GPAT4: variants seen among roughly 807,000 people sequenced by gnomAD.
The protein encoded by GPAT4 is 1-AGP acyltransferase 6.
GPAT4 carries 17 observed loss-of-function variants against 58.0 expected under a neutral mutation model. The observed-to-expected ratio is 0.29, with a 90% CI of 0.20 to 0.44. GPAT4 has a LOEUF of 0.44. Among genes scored for constraint, GPAT4 ranks in the 20% least tolerant of loss-of-function variants. The pLI is 1.00. For missense variants in GPAT4, 377 were observed against 574.5 expected, an observed-to-expected ratio of 0.66 and a Z score of 3.51; for synonymous variants, 204 against 210.1, an observed-to-expected ratio of 0.97 and a Z score of 0.25.
chr8:41,591,020 G>A (rs1802775136), intron 1 of GPAT4, among the ~76,000 whole-genome samples: 1 of 152,112 alleles, frequency 6.6e-6, no homozygotes, highest in Non-Finnish European at 1.5e-5. Flanking sequence ...GGGGGCGTTG[G>A]CGGACTCACA....
intron 2 of GPAT4, among the ~76,000 whole-genome samples, chr8:41,603,896 A>AGAATGAATGAATGAAT (rs56179166): frequency 0.027 from 4,073 of 150,782 alleles, 59 homozygotes; most frequent in African/African-American, 0.04. Flanking sequence ...TCAGCTGCAC[A>AGAATGAATGAATGAAT]GAATGAATGA....
intron 3 of GPAT4, 29 bp from the exon 4 acceptor site, chr8:41,609,626 C>A: frequency 6.2e-7 from 1 of 1,607,084 alleles, no homozygotes; most frequent in Non-Finnish European, 8.5e-7. Flanking sequence ...CCCCAGCGTG[C>A]TGCTTGACAG....
At chr8:41,620,336 GGCTGGAACTCTGAGA>G (rs1490210096) in intron 12 of GPAT4, among the ~76,000 whole-genome samples, 1 of 152,212 alleles carries the variant, frequency 6.6e-6, no homozygotes, top group Non-Finnish European at 1.5e-5. Flanking sequence ...GGGGCAGTGA[GGCTGGAACTCTGAGA>G]GGCAGCCCCG....
In GPAT4 at chr8:41,624,756, T is replaced by C. The variant is rs1423205090; in HGVS notation, c.*3755T>C. ...TAGATTAAAAGTATTGATCATTTCATTTGTAAACGATAAATAAAAAGGGGG... is the reference window on the plus strand; with the variant it reads ...TAGATTAAAAGTATTGATCATTTCACTTGTAAACGATAAATAAAAAGGGGG... On this transcript the variant is annotated 3_prime_UTR_variant, in exon 13 of 13. Coordinates refer to ENST00000396987, the MANE Select transcript of GPAT4 (RefSeq NM_178819.4). The C allele has an allele frequency of 2.0e-5, 3 of 152,134 alleles. No homozygotes were observed. In the East Asian group the frequency reaches 5.8e-4, roughly 29 times the overall value. The allele number at this position is 152,134 out of a possible 1,614,324, so 9.4% of individuals were successfully genotyped here. A position where few individuals can be genotyped will look rare whatever the true frequency, so the allele number is the denominator to read the frequency against.
chr8:41,586,010 G>A (rs1203985344), intron 1 of GPAT4, among the ~76,000 whole-genome samples: 1 of 152,204 alleles, frequency 6.6e-6, no homozygotes, highest in Non-Finnish European at 1.5e-5. Flanking sequence ...GTTCACAGAT[G>A]TGTATAGTCA....
intron 1 of GPAT4, among the ~76,000 whole-genome samples, chr8:41,592,511 G>A (rs1802815793): frequency 6.6e-6 from 1 of 152,130 alleles, no homozygotes; most frequent in Non-Finnish European, 1.5e-5. Flanking sequence ...TTAGGACCCA[G>A]AAATTATCAG....
Position 41,620,992 on chromosome 8 carries a change from C to T in GPAT4, c.1362C>T (p.Ser454=), listed in dbSNP as rs1182852481. 2 of 1,551,076 alleles carry T rather than the reference C, an allele frequency of 1.3e-6. No homozygotes were observed. The highest frequency in any genetic ancestry group is 3.9e-5 in the Admixed American group (2 of 51,014). ...KMIVGNHKDR[S]RS is the part of the protein sequence containing the mutation. ...TCGTGGGGAACCACAAGGACAGGAG[C>T]CGCTCCTGAGCCTGCCTCCAGCTGG... The change falls in exon 13 of 13, where the codon AGC becomes AGT. Residue 454 remains serine (S), a synonymous_variant. Transcript: ENST00000396987.
intron 9 of GPAT4, 86 bp downstream of exon 9, chr8:41,614,527 G>A: frequency 7.4e-7 from 1 of 1,352,494 alleles, no homozygotes. Context: ...AAGGCCCTCA[G>A]CCCTTGTTGG....
chr8:41,595,155 A>T (rs902254225), intron 1 of GPAT4, among the ~76,000 whole-genome samples: 46 of 132,148 alleles, frequency 3.5e-4, no homozygotes, highest in African/African-American at 1.2e-3. Context: ...GAATTGGTAT[A>T]GTTTTTTTTT....
chr8:41,588,390 C>G (rs1348324284), intron 1 of GPAT4, among the ~76,000 whole-genome samples: 2 of 152,166 alleles, frequency 1.3e-5, no homozygotes, highest in African/African-American at 2.4e-5. Context: ...TAGTCCCAGT[C>G]CAATACCTTG....
chr8:41,586,602 A>C (rs886095723), intron 1 of GPAT4, among the ~76,000 whole-genome samples: 1 of 152,130 alleles, frequency 6.6e-6, no homozygotes, highest in East Asian at 1.9e-4. Context: ...TGTCCCAAGC[A>C]AATCCGCTTT....
At chr8:41,589,034 C>T (rs548320784) in intron 1 of GPAT4, among the ~76,000 whole-genome samples, 2 of 152,190 alleles carry the variant, frequency 1.3e-5, no homozygotes, top group Non-Finnish European at 2.9e-5. Flanking sequence ...CTTATATTTA[C>T]TTGAGGCAAA....
Position 41,621,105 on chromosome 8 carries a change from C to T in GPAT4, c.*104C>T. Reference sequence around the variant, plus strand: ...GCTGTGTCCTTTCCAGACTCCAGGGCTCCCCGGGCTGCTCTGGATCCCAGG... The same window carrying T: ...GCTGTGTCCTTTCCAGACTCCAGGGTTCCCCGGGCTGCTCTGGATCCCAGG... On this transcript the variant is annotated 3_prime_UTR_variant, in exon 13 of 13. Transcript: ENST00000396987. 6.9e-7 allele frequency: 1 copy of T among 1,456,586 alleles called. No individual in the cohort carries two copies. The highest frequency in any genetic ancestry group is 9.2e-7 in the Non-Finnish European group (1 of 1,083,830). 90.2% of individuals were successfully genotyped at this position (1,456,586 alleles called of 1,614,324 possible). A position where few individuals can be genotyped will look rare whatever the true frequency, so the allele number is the denominator to read the frequency against.
chr8:41,617,846 C>T (rs556197186), intron 10 of GPAT4, among the ~76,000 whole-genome samples: 6 of 152,342 alleles, frequency 3.9e-5, no homozygotes, highest in South Asian at 2.1e-4. Context: ...TTCAGACATT[C>T]GCTGGCAGCA....
intron 1 of GPAT4, among the ~76,000 whole-genome samples, chr8:41,594,763 T>G (rs1347918521): frequency 3.9e-5 from 6 of 152,126 alleles, no homozygotes; most frequent in Non-Finnish European, 2.9e-5. Flanking sequence ...GCCAGGATGG[T>G]CTCCATCTCC....
chr8:41,595,988 G>A (rs1042376977), intron 1 of GPAT4, among the ~76,000 whole-genome samples: 3 of 152,056 alleles, frequency 2.0e-5, no homozygotes, highest in Admixed American at 6.6e-5. Context: ...TGGTCTAGGC[G>A]CCCTGGCTTT....
In GPAT4 at chr8:41,609,866, C is replaced by G. The variant is rs1293475575; in HGVS notation, c.447C>G (p.Thr149=). The G allele has an allele frequency of 6.2e-7, 1 of 1,614,192 alleles. No individual in the cohort carries two copies. The change falls in exon 4 of 13, where the codon ACC becomes ACG. Residue 149 remains threonine, a synonymous_variant. Coordinates refer to ENST00000396987, the MANE Select transcript of GPAT4 (RefSeq NM_178819.4). ...ELESWNLLSR[T]NYNFQYISLR... ...AGTCCTGGAACCTGCTGAGCAGAAC[C>G]AATTATAACTTCCAGTACATCAGCC... is the stretch of plus-strand genomic sequence containing the variant.
intron 1 of GPAT4, among the ~76,000 whole-genome samples, chr8:41,581,409 A>G (rs751702868): frequency 7.2e-5 from 11 of 152,184 alleles, no homozygotes; most frequent in Non-Finnish European, 1.3e-4. Context: ...CAATAATAGA[A>G]AAATGCTTTG....
rs1043875726 is a variant in GPAT4 at position 41,604,280 on chromosome 8, C to T, written c.165+4976C>T. Among the ~76,000 whole-genome samples the T allele has an allele frequency of 4.6e-5, 7 of 152,336 alleles. No individual in the cohort carries two copies. In the South Asian group the frequency reaches 1.4e-3, roughly 32 times the overall value. On this transcript the variant is annotated intron_variant, in intron 2 of 12. Coordinates refer to ENST00000396987, the MANE Select transcript of GPAT4 (RefSeq NM_178819.4). Reference sequence around the variant, plus strand: ...CTAAGCTAGCCCTGGCTTACAGCTCCTTTCCCATGACTAGTTCTCCCTATA... The same window carrying T: ...CTAAGCTAGCCCTGGCTTACAGCTCTTTTCCCATGACTAGTTCTCCCTATA...
Sources: gnomAD v4.1 joint callset for allele counts (sites outside exome capture counted in the v4.1 genomes callset) on GRCh38, gnomAD v4.1.1 for gene constraint, MANE v1.5 for transcripts, NCBI Gene and HGNC (gene_info 2026-07-23, HGNC 2026-07-21) for gene names.